The following DNAH8 variants were observed in gnomAD, a reference collection of about 807,000 sequenced individuals.
DNAH8 encodes the protein dynein axonemal heavy chain 8.
DNAH8 carries 382 observed loss-of-function variants against 562.1 expected under a neutral mutation model. That is an observed-to-expected ratio of 0.68 (90% confidence interval 0.63 to 0.74). The LOEUF is 0.74. Ranked by LOEUF, DNAH8 falls within the 30% of genes least tolerant of loss-of-function variation. The pLI is 0.00. For synonymous variants in DNAH8, 1,881 were observed against 1,919.4 expected (o/e 0.98, Z 0.52); for missense variants, 5,203 against 5,620.4 (o/e 0.93, Z 2.37).
Position 38,863,883 on chromosome 6 carries a change from G to T in DNAH8, c.6321G>T (p.Gln2107His). 6.3e-7 allele frequency: 1 copy of T among 1,595,422 alleles called. No individual in the cohort carries two copies. Residue 2107 changes from glutamine to histidine, a missense_variant, in exon 45 of 93, where the codon CAG becomes CAT. Around this residue, in one of 6 missense-constraint regions of DNAH8, gnomAD observed 2,176 missense variants for 2,365.1 expected, o/e 0.92. Coordinates refer to ENST00000327475, the MANE Select transcript of DNAH8 (RefSeq NM_001206927.2). Reference sequence around the variant, plus strand: ...TGTTTTTCATGCCAGGTCTTGCACAGTCGGGTTCCTGGGGCTGTTTTGATG... The same window carrying T: ...TGTTTTTCATGCCAGGTCTTGCACATTCGGGTTCCTGGGGCTGTTTTGATG... ...GLGRIFKGLA[Q>H]SGSWGCFDEF...
intron 89 of DNAH8, among the ~76,000 whole-genome samples, chr6:39,010,840 T>C (rs1338116305): frequency 6.6e-6 from 1 of 151,426 alleles, no homozygotes; most frequent in Non-Finnish European, 1.5e-5. Context: ...TATGTATGTA[T>C]GTATGTATGT....
At chr6:38,828,538 C>T (rs1773564847) in intron 30 of DNAH8, among the ~76,000 whole-genome samples, 1 of 152,104 alleles carries the variant, frequency 6.6e-6, no homozygotes, top group Middle Eastern at 3.2e-3. Flanking sequence ...AGTATAGTAA[C>T]ATGCTGTAGA....
chr6:38,926,527 C>T (rs1782138438), intron 74 of DNAH8, among the ~76,000 whole-genome samples: 1 of 152,144 alleles, frequency 6.6e-6, no homozygotes, highest in African/African-American at 2.4e-5. Context: ...TGTGATCCCT[C>T]AGTTCAAGAC....
intron 5 of DNAH8, 123 bp downstream of exon 5, chr6:38,734,748 A>G: frequency 9.5e-7 from 1 of 1,050,634 alleles, no homozygotes; most frequent in Non-Finnish European, 1.3e-6. Context: ...AAGAAAATAA[A>G]TGTATTCATA....
rs189218038 is a variant in DNAH8 at position 38,813,057 on chromosome 6, C to T, written c.3258-997C>T. ...TTTTCTCTCTCTTTGTATTTTGCAC[C>T]TGAAATTTTGGAGAATACCTTCAGC... On this transcript the variant is annotated intron_variant, in intron 24 of 92. Coordinates refer to ENST00000327475, the MANE Select transcript of DNAH8 (RefSeq NM_001206927.2). 2.8e-4 allele frequency among the ~76,000 whole-genome samples: 43 copies of T among 152,256 alleles called. No homozygotes were observed. The East Asian group carries it at 7.5e-3, about 27-fold the overall frequency.
At chr6:38,962,770 T>A (rs1390490636) in intron 82 of DNAH8, among the ~76,000 whole-genome samples, 1 of 152,166 alleles carries the variant, frequency 6.6e-6, no homozygotes, top group Non-Finnish European at 1.5e-5. Context: ...ATAATATGAC[T>A]GGAAGAATTT....
rs185622189 is a variant in DNAH8, at chr6:38,889,990, A to G, written c.8474-662A>G. ...AGTAAATCTTTCTTCGGTCTAAATCAAAGACATTCTGAGACTTTGAGAACA... is the reference window on the plus strand; with the variant it reads ...AGTAAATCTTTCTTCGGTCTAAATCGAAGACATTCTGAGACTTTGAGAACA... On this transcript the variant is annotated intron_variant, in intron 57 of 92. Transcript: ENST00000327475. 4.6e-3 allele frequency among the ~76,000 whole-genome samples: 697 copies of G among 152,312 alleles called. 5 individuals are homozygous for G. The highest frequency in any genetic ancestry group is 7.0e-3 in the Non-Finnish European group (476 of 68,020).
At chr6:38,945,653 A>G in intron 80 of DNAH8, 65 bp downstream of exon 80, 1 of 1,598,860 alleles carries the variant, frequency 6.3e-7, no homozygotes, top group Middle Eastern at 1.7e-4. Flanking sequence ...GGGCCGCTTA[A>G]ACTGGGGCTT....
chr6:38,814,217 G>A, intron 25 of DNAH8, 88 bp downstream of exon 25: 1 of 769,704 alleles, frequency 1.3e-6, no homozygotes, highest in East Asian at 2.8e-5. Flanking sequence ...TAACATTTTG[G>A]TCCTATGTCT....
chr6:38,829,101 CAT>C (rs1773615500), intron 30 of DNAH8, among the ~76,000 whole-genome samples: 1 of 152,150 alleles, frequency 6.6e-6, no homozygotes, highest in Non-Finnish European at 1.5e-5. Flanking sequence ...AGCATGTTTT[CAT>C]GTGGCCATTT....
Position 38,737,866 on chromosome 6 carries a change from T to C in DNAH8, c.1010T>C (p.Phe337Ser). Residue 337 changes from phenylalanine to serine, a missense_variant, in exon 7 of 93, where the codon TTT becomes TCT. Physicochemically the swap from Phe to Ser is radical, Grantham distance 155. Transcript: ENST00000327475. ...VKLKTIDNVNFSKLHTFEEVT... is the reference protein window; with the variant it reads ...VKLKTIDNVNSSKLHTFEEVT... ...TTAAAGACAATAGACAATGTTAATT[T>C]TTCCAAACTGCACACCTTTGAAGAA... is the stretch of plus-strand genomic sequence containing the variant. 6.3e-7 allele frequency: 1 copy of C among 1,588,898 alleles called. No individual in the cohort carries two copies.
At chr6:38,931,780 T>C in intron 75 of DNAH8, 31 bp from the exon 76 acceptor site, 1 of 1,445,714 alleles carries the variant, frequency 6.9e-7, no homozygotes, top group Non-Finnish European at 9.3e-7. Flanking sequence ...CCCTTTAAGC[T>C]GTTTTTAATT....
chr6:38,894,921 G>T, intron 59 of DNAH8, 57 bp downstream of exon 59: 2 of 1,489,444 alleles, frequency 1.3e-6, no homozygotes, highest in South Asian at 2.6e-5. Context: ...ATACTACTTG[G>T]TTAATTTTTT....
At chr6:38,914,493 TG>T (rs1218855655) in intron 67 of DNAH8, among the ~76,000 whole-genome samples, 3 of 140,674 alleles carry the variant, frequency 2.1e-5, no homozygotes, top group African/African-American at 7.9e-5. Context: ...CTCCACCTCC[TG>T]GGTTCAAGCG....
At chr6:38,981,225 G>C (rs1764014621) in intron 85 of DNAH8, among the ~76,000 whole-genome samples, 1 of 152,090 alleles carries the variant, frequency 6.6e-6, no homozygotes, top group African/African-American at 2.4e-5. Context: ...ATAAATCCCT[G>C]GCCCTTCCTT....
At chr6:38,829,166 T>C (rs1773620222) in intron 30 of DNAH8, among the ~76,000 whole-genome samples, 1 of 152,228 alleles carries the variant, frequency 6.6e-6, no homozygotes, top group African/African-American at 2.4e-5. Context: ...AATCCTTTGC[T>C]TGATTTTTAA....
At chr6:38,760,834 T>C (rs1037804880) in intron 10 of DNAH8, among the ~76,000 whole-genome samples, 1 of 152,134 alleles carries the variant, frequency 6.6e-6, no homozygotes, top group Non-Finnish European at 1.5e-5. Flanking sequence ...CCTGGGGTCG[T>C]CATCAGAAGC....
chr6:39,027,599 G>A (rs1029997593), intron 92 of DNAH8, among the ~76,000 whole-genome samples: 31 of 152,314 alleles, frequency 2.0e-4, no homozygotes, highest in Admixed American at 1.3e-3. Context: ...AGGCCAAGGC[G>A]GGAGGATCAC....
chr6:38,748,618 A>T (rs1351487990), intron 8 of DNAH8, among the ~76,000 whole-genome samples: 1 of 151,880 alleles, frequency 6.6e-6, no homozygotes, highest in African/African-American at 2.4e-5. Context: ...TAATAAGATA[A>T]CAGCTCACGC....
Sources: allele counts gnomAD v4.1 joint callset (sites outside exome capture counted in the v4.1 genomes callset), GRCh38; gene constraint gnomAD v4.1.1; regional missense constraint gnomAD v4.1.1; transcripts MANE v1.5; gene names NCBI Gene and HGNC (gene_info 2026-07-23, HGNC 2026-07-21).